NALF1: variants seen among roughly 807,000 people sequenced by gnomAD.
NALF1 encodes the protein NALCN channel auxiliary factor 1.
NALF1 carries 3 observed loss-of-function variants against 48.4 expected under a neutral mutation model. The ratio of observed to expected loss-of-function variants is 0.06; its 90% CI spans 0.03 to 0.16. NALF1 has a LOEUF of 0.16. Among genes scored for constraint, NALF1 ranks in the 10% least tolerant of loss-of-function variants. The pLI, the probability that NALF1 is intolerant of heterozygous loss-of-function variation, is 1.00. For synonymous variants in NALF1, 262 were observed against 245.7 expected (o/e 1.07, Z -0.62); for missense variants, 526 against 571.5 (o/e 0.92, Z 0.81).
rs140229970 is a variant in NALF1 at position 107,576,334 on chromosome 13, T to G, written c.915+289348A>C. Among the ~76,000 whole-genome samples, 371 of 152,310 alleles carry G rather than the reference T, an allele frequency of 2.4e-3. 4 individuals carry two copies. The highest frequency in any genetic ancestry group is 7.9e-3 in the African/African-American group (327 of 41,576). On this transcript the variant is annotated intron_variant, in intron 1 of 2. Coordinates refer to ENST00000375915, the MANE Select transcript of NALF1 (RefSeq NM_001080396.3). ...TAAAATTCCTAACAGTGAAAGGATC[T>G]TTACCTGAAAACAAAGAAAAGTGTT... is the stretch of plus-strand genomic sequence containing the variant.
intron 1 of NALF1, among the ~76,000 whole-genome samples, chr13:107,544,734 G>A (rs999723957): frequency 3.3e-5 from 5 of 152,132 alleles, no homozygotes. Context: ...ACCAACTAAT[G>A]CTTTGTGACA....
At chr13:107,702,130 C>T (rs965400369) in intron 1 of NALF1, among the ~76,000 whole-genome samples, 2 of 151,944 alleles carry the variant, frequency 1.3e-5, no homozygotes, top group East Asian at 3.9e-4. Flanking sequence ...TGTTGACAAC[C>T]CTGTGTAATA....
chr13:107,289,286 A>T (rs1469761875), intron 1 of NALF1, among the ~76,000 whole-genome samples: 2 of 152,164 alleles, frequency 1.3e-5, no homozygotes, highest in Admixed American at 1.3e-4. Context: ...GTATATTTAC[A>T]CATGCCTTGT....
At chr13:107,297,504 AC>A (rs1881748160) in intron 1 of NALF1, among the ~76,000 whole-genome samples, 1 of 152,170 alleles carries the variant, frequency 6.6e-6, no homozygotes, top group Non-Finnish European at 1.5e-5. Flanking sequence ...AGGGGGCCAA[AC>A]TTTATCTTTT....
At chr13:107,594,346 T>C (rs1878684898) in intron 1 of NALF1, among the ~76,000 whole-genome samples, 1 of 152,116 alleles carries the variant, frequency 6.6e-6, no homozygotes, top group South Asian at 2.1e-4. Flanking sequence ...CATAAATAAA[T>C]GCTTTACATC....
chr13:107,520,827 A>G (rs2139096040), intron 1 of NALF1, among the ~76,000 whole-genome samples: 1 of 152,210 alleles, frequency 6.6e-6, no homozygotes, highest in Admixed American at 6.5e-5. Context: ...CACATGGGGT[A>G]AGGTGATGCC....
At chr13:107,543,780 T>G (rs1291243432) in intron 1 of NALF1, among the ~76,000 whole-genome samples, 1 of 152,028 alleles carries the variant, frequency 6.6e-6, no homozygotes, top group African/African-American at 2.4e-5. Context: ...TTTATACATG[T>G]ATATGTGTAT....
At chr13:107,224,365 T>C (rs936323540) in intron 1 of NALF1, among the ~76,000 whole-genome samples, 1 of 150,904 alleles carries the variant, frequency 6.6e-6, no homozygotes, top group Non-Finnish European at 1.5e-5. Context: ...TTTACATTCA[T>C]CAATAAGATA....
chr13:107,165,771 G>T lies in NALF1; in HGVS notation c.*4726C>A, dbSNP rs1878644825. 1 of 152,032 alleles carries T rather than the reference G, an allele frequency of 6.6e-6. No individual in the cohort carries two copies. 9.4% of individuals were successfully genotyped at this position (152,032 alleles called of 1,614,324 possible). A position where few individuals can be genotyped will look rare whatever the true frequency, so the allele number is the denominator to read the frequency against. Reference sequence around the variant, plus strand: ...ACCCAATACCTACCTGCTATATTAGGTTTTTTATAAACATTGTTAAAGCTT... The same window carrying T: ...ACCCAATACCTACCTGCTATATTAGTTTTTTTATAAACATTGTTAAAGCTT... On this transcript the variant is annotated 3_prime_UTR_variant, in exon 3 of 3. Transcript: ENST00000375915.
In NALF1 at chr13:107,263,249, GACACACAC is replaced by G. The variant is rs34637583; in HGVS notation, c.916-52502_916-52495del. ...CCCAACACCCCACAAAATGCTAACA[GACACACAC>G]ACACACACACACACACACACACACA... On this transcript the variant is annotated intron_variant, in intron 1 of 2. Coordinates refer to ENST00000375915, the MANE Select transcript of NALF1 (RefSeq NM_001080396.3). Among the ~76,000 whole-genome samples the G allele has an allele frequency of 5.1e-3, 701 of 138,450 alleles. 2 individuals carry two copies. Among genetic ancestry groups the G allele is most frequent in the Middle Eastern group, 0.019 (5 of 266 alleles). The allele number at this position is 138,450 out of a possible 152,430, so 90.8% of individuals were successfully genotyped here. A position where few individuals can be genotyped will look rare whatever the true frequency, so the allele number is the denominator to read the frequency against.
chr13:107,524,016 G>A (rs118187732), intron 1 of NALF1, among the ~76,000 whole-genome samples: 1,875 of 152,130 alleles, frequency 0.012, 23 homozygotes, highest in Middle Eastern at 0.037. Context: ...GCTGAATATG[G>A]AAGAGTTTTC....
At chr13:107,860,476 G>A (rs760457989) in intron 1 of NALF1, among the ~76,000 whole-genome samples, 2 of 152,150 alleles carry the variant, frequency 1.3e-5, no homozygotes, top group Non-Finnish European at 2.9e-5. Context: ...ACAGAGCCCA[G>A]ACCCATGACA....
chr13:107,659,040 C>G lies in NALF1; in HGVS notation c.915+206642G>C, dbSNP rs1224241010. 2.0e-5 allele frequency among the ~76,000 whole-genome samples: 3 copies of G among 151,730 alleles called. No homozygotes were observed. In the South Asian group the frequency reaches 6.2e-4, roughly 32 times the overall value. ...TGTGCACCATTATTTCTCCTCTTCT[C>G]TGTGCATTTTCTTGTTAAGTATTTT... On this transcript the variant is annotated intron_variant, in intron 1 of 2. Coordinates refer to ENST00000375915, the MANE Select transcript of NALF1 (RefSeq NM_001080396.3).
intron 1 of NALF1, among the ~76,000 whole-genome samples, chr13:107,691,727 G>A (rs1469454369): frequency 1.3e-5 from 2 of 152,024 alleles, no homozygotes; most frequent in Non-Finnish European, 2.9e-5. Flanking sequence ...AAGGTCATAC[G>A]AATAAAAATA....
At chr13:107,561,874 C>T (rs1378369602) in intron 1 of NALF1, among the ~76,000 whole-genome samples, 2 of 152,156 alleles carry the variant, frequency 1.3e-5, no homozygotes, top group Non-Finnish European at 2.9e-5. Context: ...TAGCCGTTAA[C>T]GTGCTCAATG....
chr13:107,779,348 T>G (rs1487888657), intron 1 of NALF1, among the ~76,000 whole-genome samples: 1 of 152,240 alleles, frequency 6.6e-6, no homozygotes, highest in Admixed American at 6.5e-5. Flanking sequence ...TGGAAAGGCA[T>G]TATCACATCT....
intron 1 of NALF1, among the ~76,000 whole-genome samples, chr13:107,815,135 A>G (rs949605091): frequency 1.3e-5 from 2 of 152,216 alleles, no homozygotes; most frequent in Non-Finnish European, 2.9e-5. Context: ...TCCAAGTAAT[A>G]AAATAAAAAA....
chr13:107,550,908 A>C (rs375340282), intron 1 of NALF1, among the ~76,000 whole-genome samples: 87 of 152,064 alleles, frequency 5.7e-4, no homozygotes, highest in African/African-American at 2.0e-3. Flanking sequence ...TCAGAAAAAA[A>C]AAAAACTTAT....
intron 1 of NALF1, among the ~76,000 whole-genome samples, chr13:107,435,744 C>A (rs1884453569): frequency 6.7e-6 from 1 of 148,252 alleles, no homozygotes; most frequent in South Asian, 2.2e-4. Flanking sequence ...GTATTTACAT[C>A]TTTCATAACA....
Sources: gnomAD v4.1 joint callset for allele counts (sites outside exome capture counted in the v4.1 genomes callset) on GRCh38, gnomAD v4.1.1 for gene constraint, MANE v1.5 for transcripts, NCBI Gene and HGNC (gene_info 2026-07-23, HGNC 2026-07-21) for gene names.